The following GNG4 variants were observed in gnomAD, a reference collection of about 807,000 sequenced individuals.
GNG4 encodes guanine nucleotide-binding protein G(I)/G(S)/G(O) subunit gamma-4.
GNG4 carries 4 observed loss-of-function variants against 5.8 expected under a neutral mutation model. The ratio of observed to expected loss-of-function variants is 0.69; its 90% CI spans 0.34 to 1.57. GNG4 has a LOEUF of 1.57. Among genes scored for constraint, GNG4 ranks in the 40% most tolerant of loss-of-function variants. The pLI is 0.06. For synonymous variants in GNG4, 29 were observed against 32.9 expected, an observed-to-expected ratio of 0.88 and a Z score of 0.41; for missense variants, 96 against 95.1, an observed-to-expected ratio of 1.01 and a Z score of -0.04.
intron 1 of GNG4, among the ~76,000 whole-genome samples, chr1:235,597,612 G>A (rs1211239500): frequency 1.0e-4 from 11 of 108,878 alleles, no homozygotes; most frequent in Admixed American, 2.5e-4. Context: ...GTGTGTGTGT[G>A]TGTGTGTGTG....
At chr1:235,559,072 A>G (rs1369645533) in intron 3 of GNG4, among the ~76,000 whole-genome samples, 1 of 152,210 alleles carries the variant, frequency 6.6e-6, no homozygotes, top group Non-Finnish European at 1.5e-5. Context: ...TGTGACACCC[A>G]CTGCATTTAT....
intron 1 of GNG4, among the ~76,000 whole-genome samples, chr1:235,619,398 GA>G (rs1228199813): frequency 1.3e-5 from 2 of 151,212 alleles, no homozygotes. Context: ...CTGTCTCAGG[GA>G]AAAAAACAAA....
chr1:235,570,884 A>G (rs78090006), intron 3 of GNG4, among the ~76,000 whole-genome samples: 3 of 78,056 alleles, frequency 3.8e-5, no homozygotes, highest in African/African-American at 1.9e-4. Context: ...GTGTGTGTAT[A>G]TGTATGTATA....
chr1:235,553,141 T>C (rs1189467294), intron 3 of GNG4, among the ~76,000 whole-genome samples: 1 of 152,218 alleles, frequency 6.6e-6, no homozygotes, highest in Non-Finnish European at 1.5e-5. Context: ...ATTCCATTTC[T>C]TTCCAGGCTT....
intron 1 of GNG4, among the ~76,000 whole-genome samples, chr1:235,636,745 T>C (rs1207569813): frequency 6.6e-6 from 1 of 152,156 alleles, no homozygotes; most frequent in Non-Finnish European, 1.5e-5. Flanking sequence ...GGCATGCGGA[T>C]GCCCCAGTGT....
intron 3 of GNG4, among the ~76,000 whole-genome samples, chr1:235,567,366 C>G (rs1687225466): frequency 6.6e-6 from 1 of 152,096 alleles, no homozygotes; most frequent in South Asian, 2.1e-4. Context: ...GTATATAGTT[C>G]AGTAGTATTA....
intron 1 of GNG4, among the ~76,000 whole-genome samples, chr1:235,624,324 C>T (rs1419575821): frequency 1.3e-5 from 2 of 151,532 alleles, no homozygotes; most frequent in Non-Finnish European, 1.5e-5. Context: ...GGTGCCCAGG[C>T]TGGTCTCAAA....
At chr1:235,581,885 TC>T (rs755825763) in intron 3 of GNG4, among the ~76,000 whole-genome samples, 1 of 152,200 alleles carries the variant, frequency 6.6e-6, no homozygotes, top group South Asian at 2.1e-4. Context: ...TCACAGGGGC[TC>T]CTGGGGCGGT....
At chr1:235,621,153 G>A (rs1226889191) in intron 1 of GNG4, among the ~76,000 whole-genome samples, 2 of 147,906 alleles carry the variant, frequency 1.4e-5, no homozygotes, top group African/African-American at 5.0e-5. Context: ...CTCTGTTTGG[G>A]TTGCCTAAGA....
chr1:235,560,850 T>C (rs991004567), intron 3 of GNG4, among the ~76,000 whole-genome samples: 1 of 152,232 alleles, frequency 6.6e-6, no homozygotes, highest in African/African-American at 2.4e-5. Flanking sequence ...CTTTCCTCAA[T>C]ATGGCCAGAT....
At chr1:235,637,653 CAA>C (rs5781837) in intron 1 of GNG4, among the ~76,000 whole-genome samples, 5,386 of 116,190 alleles carry the variant, frequency 0.046, 260 homozygotes, top group African/African-American at 0.16. Flanking sequence ...GACCTTGTCT[CAA>C]AAAAAAAAAA....
chr1:235,640,998 C>T (rs1657310437), intron 1 of GNG4, among the ~76,000 whole-genome samples: 1 of 152,216 alleles, frequency 6.6e-6, no homozygotes, highest in South Asian at 2.1e-4. Context: ...AGTTACACTA[C>T]CAAATACTCC....
At chr1:235,590,403 C>T (rs1687930138) in intron 2 of GNG4, among the ~76,000 whole-genome samples, 1 of 151,744 alleles carries the variant, frequency 6.6e-6, no homozygotes, top group Non-Finnish European at 1.5e-5. Flanking sequence ...TGCAGTGAGC[C>T]GAGATTGCGC....
intron 2 of GNG4, chr1:235,589,073 G>A (rs944061590): frequency 6.6e-6 from 1 of 152,250 alleles, no homozygotes; most frequent in Non-Finnish European, 1.5e-5. Flanking sequence ...GATAGGCTGA[G>A]GTAAACATCC....
intron 3 of GNG4, among the ~76,000 whole-genome samples, chr1:235,581,521 GAAAAA>G (rs879719529): frequency 7.4e-6 from 1 of 135,454 alleles, no homozygotes; most frequent in African/African-American, 2.7e-5. Flanking sequence ...TCTCAAAAAA[GAAAAA>G]AAAAAAAGGT....
In GNG4 at chr1:235,598,732, A is replaced by ATTTT. The variant is rs34577116; in HGVS notation, c.-122-3225_-122-3222dup. 1.4e-3 allele frequency among the ~76,000 whole-genome samples: 208 copies of ATTTT among 146,606 alleles called. 1 individual carries two copies. The highest frequency in any genetic ancestry group is 4.7e-3 in the African/African-American group (186 of 39,992). On this transcript the variant is annotated intron_variant, in intron 1 of 3. Coordinates refer to ENST00000391854, the MANE Select transcript of GNG4 (RefSeq NM_001098722.2). ...AGTGGAAGTTGAAGCTTCCCAGGTG[A>ATTTT]TTTTTTTTTTTTTGAGACAGGCTCA... is the stretch of plus-strand genomic sequence containing the variant.
At chr1:235,604,259 C>A (rs1032644961) in intron 1 of GNG4, among the ~76,000 whole-genome samples, 1 of 152,214 alleles carries the variant, frequency 6.6e-6, no homozygotes, top group African/African-American at 2.4e-5. Flanking sequence ...AGAATGAATT[C>A]ATTGTCATTC....
In GNG4 at chr1:235,605,936, A is replaced by AT. The variant is rs548806959; in HGVS notation, c.-122-10426dup. 1.7e-4 allele frequency among the ~76,000 whole-genome samples: 21 copies of AT among 121,332 alleles called. No individual in the cohort carries two copies. In the South Asian group the frequency reaches 5.9e-3, roughly 34 times the overall value. The allele number at this position is 121,332 out of a possible 152,430, so 79.6% of individuals were successfully genotyped here. ...AGTAAAAAGATTGCTGTTACATTTT[A>AT]TTTTTTTGATTGAGAGTGTGGGGGG... On this transcript the variant is annotated intron_variant, in intron 1 of 3. Transcript: ENST00000391854.
At chr1:235,575,551 T>A (rs1687463316) in intron 3 of GNG4, among the ~76,000 whole-genome samples, 1 of 152,188 alleles carries the variant, frequency 6.6e-6, no homozygotes, top group African/African-American at 2.4e-5. Context: ...AAAATTAATC[T>A]CAGCCTAAGG....
Sources: allele counts gnomAD v4.1 joint callset (sites outside exome capture counted in the v4.1 genomes callset), GRCh38; gene constraint gnomAD v4.1.1; transcripts MANE v1.5; gene names NCBI Gene and HGNC (gene_info 2026-07-23, HGNC 2026-07-21).